Variants in LSP1 observed in about 807,000 individuals in gnomAD.
LSP1 encodes the protein lymphocyte-specific protein 1.
LSP1 carries 32 observed loss-of-function variants against 49.3 expected under a neutral mutation model. That is an observed-to-expected ratio of 0.65 (90% CI 0.49 to 0.87). The LOEUF (loss-of-function observed/expected upper bound fraction) is 0.87. Ranked by LOEUF, LSP1 falls within the 40% of genes least tolerant of loss-of-function variation. The pLI is 0.00. For synonymous variants in LSP1, 179 were observed against 178.8 expected, an observed-to-expected ratio of 1.00 and a Z score of -0.01; for missense variants, 428 against 442.6, an observed-to-expected ratio of 0.97 and a Z score of 0.30.
At chr11:1,891,075 C>T (rs570604078) in intron 10 of LSP1, 49 of 158,456 alleles carry the variant, frequency 3.1e-4, no homozygotes, top group Admixed American at 5.4e-4. Flanking sequence ...CAACCACAGG[C>T]GCGTCCGCTG....
intron 1 of LSP1, 42 bp downstream of exon 1, chr11:1,853,239 A>G (rs1847405410): frequency 6.3e-7 from 1 of 1,591,240 alleles, no homozygotes; most frequent in Admixed American, 1.8e-5. Flanking sequence ...TGCCGTGTCC[A>G]CGGGTGCATA....
At chr11:1,889,688 C>G in intron 10 of LSP1, 1 of 636,290 alleles carries the variant, frequency 1.6e-6, no homozygotes, top group Non-Finnish European at 2.9e-6. Context: ...CGGGGCCAGC[C>G]ATCGGGGGCT....
intron 1 of LSP1, chr11:1,865,048 AG>A (rs756639012): frequency 4.5e-4 from 99 of 219,232 alleles, no homozygotes; most frequent in Non-Finnish European, 6.6e-4. Flanking sequence ...GGGCCAGGAG[AG>A]GCAGGAAAGC....
intron 1 of LSP1, chr11:1,865,100 G>T: frequency 1.6e-6 from 1 of 641,924 alleles, no homozygotes; most frequent in Non-Finnish European, 1.9e-6. Flanking sequence ...TGCGGGAGGA[G>T]GGCAGCAGAG....
At position 1,869,950 on chromosome 11, in the gene LSP1, G is replaced by C. The variant is rs986541084; in HGVS notation, c.54-10137G>C. ...TCTTCCCCACACCCGGTTCTTGGGG[G>C]TTGAGGGGTTGGAGCCCCAGCCACG... On this transcript the variant is annotated intron_variant, in intron 1 of 10. Coordinates refer to ENST00000311604, the MANE Select transcript of LSP1 (RefSeq NM_002339.3). Among the ~76,000 whole-genome samples, 7 of 152,250 alleles carry C rather than the reference G, an allele frequency of 4.6e-5. No homozygotes were observed. The East Asian group carries it at 1.4e-3, about 29-fold the overall frequency.
At chr11:1,861,070 G>C (rs1847617555) in intron 1 of LSP1, among the ~76,000 whole-genome samples, 1 of 152,216 alleles carries the variant, frequency 6.6e-6, no homozygotes, top group African/African-American at 2.4e-5. Flanking sequence ...ACGGATGTGT[G>C]AGTAGACACT....
At chr11:1,878,851 G>T (rs1736310145) in intron 1 of LSP1, among the ~76,000 whole-genome samples, 3 of 152,122 alleles carry the variant, frequency 2.0e-5, no homozygotes, top group Admixed American at 2.0e-4. Context: ...GCGATGGGAG[G>T]CAGGGCCATG....
chr11:1,877,583 C>G (rs1485929312), intron 1 of LSP1, among the ~76,000 whole-genome samples: 1 of 152,200 alleles, frequency 6.6e-6, no homozygotes. Flanking sequence ...GCAAGGCAAA[C>G]AGTCAACGTT....
rs1368796299 is a variant in LSP1 at position 1,881,658 on chromosome 11, C to T, written c.356+62C>T. ...CAGGGCTCCCTCTGGACCTCGAGGG[C>T]GGGCGCTGGGCAGAGCAGGGCTCCC... On this transcript the variant is annotated intron_variant, in intron 3 of 10. Transcript: ENST00000311604. The T allele has an allele frequency of 8.4e-6, 12 of 1,435,930 alleles. 1 individual carries two copies. The South Asian group carries it at 8.9e-5, about 11-fold the overall frequency. The allele number at this position is 1,435,930 out of a possible 1,614,324, so 88.9% of individuals were successfully genotyped here. A position where few individuals can be genotyped will look rare whatever the true frequency, so the allele number is the denominator to read the frequency against.
chr11:1,870,019 C>T (rs1426623870), intron 1 of LSP1: 5 of 395,654 alleles, frequency 1.3e-5, no homozygotes, highest in Non-Finnish European at 2.6e-5. Flanking sequence ...GAGAGGTGCA[C>T]CTCCGAGCCT....
intron 1 of LSP1, chr11:1,865,332 C>T (rs1045288763): frequency 4.1e-6 from 3 of 738,352 alleles, no homozygotes; most frequent in Admixed American, 1.3e-4. Flanking sequence ...GCCACATGCA[C>T]CGGGCCACTG....
At chr11:1,858,654 G>A (rs1206313327) in intron 1 of LSP1, among the ~76,000 whole-genome samples, 1 of 152,236 alleles carries the variant, frequency 6.6e-6, no homozygotes, top group Non-Finnish European at 1.5e-5. Flanking sequence ...GCGGGCTGGA[G>A]AGGCTCGGCC....
intron 7 of LSP1, among the ~76,000 whole-genome samples, chr11:1,885,538 C>G (rs1320654188): frequency 6.6e-6 from 1 of 151,408 alleles, no homozygotes; most frequent in Non-Finnish European, 1.5e-5. Flanking sequence ...GCCTTCTATC[C>G]CATCAATTTC....
At chr11:1,863,990 G>A (rs1330544945) in intron 1 of LSP1, among the ~76,000 whole-genome samples, 2 of 149,174 alleles carry the variant, frequency 1.3e-5, no homozygotes, top group Non-Finnish European at 3.0e-5. Context: ...CTCTGGAGGT[G>A]ACAACAAGAG....
intron 1 of LSP1, chr11:1,871,051 T>C (rs965442871): frequency 5.2e-5 from 51 of 985,238 alleles, no homozygotes; most frequent in Non-Finnish European, 6.0e-5. Context: ...CATGCGAGGG[T>C]GAGAGCTGCG....
chr11:1,869,761 C>T (rs1414044680), intron 1 of LSP1: 4 of 466,238 alleles, frequency 8.6e-6, no homozygotes, highest in Admixed American at 2.4e-5. Flanking sequence ...AAGGAGAGGG[C>T]GGGCGAGGAA....
At chr11:1,874,526 G>T (rs1447873150) in intron 1 of LSP1, among the ~76,000 whole-genome samples, 2 of 152,170 alleles carry the variant, frequency 1.3e-5, no homozygotes, top group Non-Finnish European at 2.9e-5. Flanking sequence ...CCAGGCCAGG[G>T]CTCCAGGGGA....
chr11:1,853,338 A>T (rs1847407952), intron 1 of LSP1, 141 bp downstream of exon 1: 2 of 842,754 alleles, frequency 2.4e-6, no homozygotes, highest in Admixed American at 5.8e-5. Flanking sequence ...TCCGATGGGG[A>T]AACTGGGGAC....
At chr11:1,881,241 T>C (rs1848524455) in intron 2 of LSP1, 191 bp from the exon 3 acceptor site, 8 of 558,464 alleles carry the variant, frequency 1.4e-5, no homozygotes, top group Non-Finnish European at 2.5e-5. Context: ...GCCCCAGAAC[T>C]GACGGGGGAG....
Sources: allele counts gnomAD v4.1 joint callset (sites outside exome capture counted in the v4.1 genomes callset), GRCh38; gene constraint gnomAD v4.1.1; transcripts MANE v1.5; gene names NCBI Gene and HGNC (gene_info 2026-07-23, HGNC 2026-07-21).